Variants in CEP128 observed in about 807,000 individuals in gnomAD.
CEP128 encodes the protein centrosomal protein 128.
Under a neutral mutation model 156.7 loss-of-function variants are expected in CEP128, and 132 were observed. That is an observed-to-expected ratio of 0.84 (90% CI 0.73 to 0.97). The LOEUF is 0.97. Ranked by LOEUF, CEP128 falls within the 50% of genes least tolerant of loss-of-function variation. CEP128 has a pLI of 0.00. For synonymous variants in CEP128, 469 were observed against 448.9 expected (o/e 1.04, Z -0.57); for missense variants, 1,252 against 1,281.9 (o/e 0.98, Z 0.36).
chr14:80,592,017 G>A (rs1003135545), intron 19 of CEP128, among the ~76,000 whole-genome samples: 1 of 152,160 alleles, frequency 6.6e-6, no homozygotes, highest in East Asian at 1.9e-4. Flanking sequence ...TGTTTAGAGG[G>A]AAATTTATAG....
chr14:80,627,028 C>G (rs1410256796), intron 19 of CEP128, among the ~76,000 whole-genome samples: 5 of 152,218 alleles, frequency 3.3e-5, no homozygotes, highest in African/African-American at 1.2e-4. Flanking sequence ...ATATTCCATA[C>G]AGTCCTGACA....
chr14:80,685,379 T>A (rs556226987), intron 19 of CEP128, among the ~76,000 whole-genome samples: 3 of 151,730 alleles, frequency 2.0e-5, no homozygotes, highest in African/African-American at 4.8e-5. Flanking sequence ...TTGAAATAAA[T>A]CTAACCGAAG....
intron 15 of CEP128, among the ~76,000 whole-genome samples, chr14:80,781,005 C>T (rs930923855): frequency 6.6e-5 from 10 of 152,192 alleles, no homozygotes; most frequent in African/African-American, 2.4e-4. Context: ...GAAATTTATT[C>T]CAACTTCAGT....
intron 14 of CEP128, among the ~76,000 whole-genome samples, chr14:80,787,417 C>G (rs762176993): frequency 6.6e-6 from 1 of 152,138 alleles, no homozygotes; most frequent in Non-Finnish European, 1.5e-5. Context: ...ATGAATCCTT[C>G]CGAAGCTCCA....
chr14:80,679,674 T>C (rs1896234890), intron 19 of CEP128, among the ~76,000 whole-genome samples: 1 of 152,252 alleles, frequency 6.6e-6, no homozygotes, highest in Non-Finnish European at 1.5e-5. Flanking sequence ...TTATGATCTT[T>C]GCCTTGCCCT....
intron 5 of CEP128, among the ~76,000 whole-genome samples, chr14:80,905,168 T>G (rs1787978236): frequency 8.6e-6 from 1 of 115,706 alleles, no homozygotes. Flanking sequence ...CACTCAAAAG[T>G]TTCAATTTGT....
intron 19 of CEP128, among the ~76,000 whole-genome samples, chr14:80,591,285 T>G (rs1892054283): frequency 6.6e-6 from 1 of 151,386 alleles, no homozygotes; most frequent in Non-Finnish European, 1.5e-5. Flanking sequence ...AAGACACACG[T>G]AGGCTCAAAA....
At chr14:80,771,201 T>C (rs1212329516) in intron 16 of CEP128, among the ~76,000 whole-genome samples, 1 of 152,102 alleles carries the variant, frequency 6.6e-6, no homozygotes, top group African/African-American at 2.4e-5. Context: ...GACCAAAAAA[T>C]AAGAGTATAT....
rs560954872 is a variant in CEP128, at chr14:80,772,995, T to C, written c.2376+4887A>G. Among the ~76,000 whole-genome samples the C allele has an allele frequency of 7.2e-5, 11 of 152,318 alleles. No individual in the cohort carries two copies. In the East Asian group the frequency reaches 2.1e-3, roughly 29 times the overall value. On this transcript the variant is annotated intron_variant, in intron 16 of 24. Transcript: ENST00000555265. Reference sequence around the variant, plus strand: ...ACTAAAGGCGTAAGACAGCATCTTTTGTAACAGAGGAAGCTCCATGTACGG... The same window carrying C: ...ACTAAAGGCGTAAGACAGCATCTTTCGTAACAGAGGAAGCTCCATGTACGG...
At chr14:80,888,442 T>C (rs1888918906) in intron 8 of CEP128, among the ~76,000 whole-genome samples, 1 of 152,150 alleles carries the variant, frequency 6.6e-6, no homozygotes, top group South Asian at 2.1e-4. Context: ...ACGATCAAGT[T>C]AGCTTCATCG....
downstream of CEP128, among the ~76,000 whole-genome samples, chr14:80,491,814 T>C (rs535314467): frequency 1.2e-4 from 19 of 152,336 alleles, no homozygotes; most frequent in Non-Finnish European, 2.5e-4. Flanking sequence ...ACAATGCTTC[T>C]TTCCAGGACC....
rs549633310 is a variant in CEP128, at chr14:80,710,084, G to A, written c.2806+32991C>T. Among the ~76,000 whole-genome samples, 8 of 151,774 alleles carry A rather than the reference G, an allele frequency of 5.3e-5. No individual in the cohort carries two copies. In the South Asian group the frequency reaches 1.7e-3, roughly 32 times the overall value. ...ATATGAGGATATGAGGATACAAACAGATATTCTATACCTACAACTATTTGC... is the reference window on the plus strand; with the variant it reads ...ATATGAGGATATGAGGATACAAACAAATATTCTATACCTACAACTATTTGC... On this transcript the variant is annotated intron_variant, in intron 19 of 24. Coordinates refer to ENST00000555265, the MANE Select transcript of CEP128 (RefSeq NM_152446.5).
chr14:80,753,914 C>T (rs1203774574), intron 18 of CEP128, among the ~76,000 whole-genome samples: 3 of 152,290 alleles, frequency 2.0e-5, no homozygotes, highest in South Asian at 2.1e-4. Context: ...TCCAGTCTGT[C>T]CTTTCCTCTG....
intron 19 of CEP128, among the ~76,000 whole-genome samples, chr14:80,659,248 A>C (rs1460702849): frequency 1.3e-5 from 2 of 152,164 alleles, no homozygotes; most frequent in African/African-American, 4.8e-5. Flanking sequence ...ATTTGGTAAT[A>C]ATTTTTTCCT....
intron 8 of CEP128, among the ~76,000 whole-genome samples, chr14:80,876,320 G>A (rs118027487): frequency 0.048 from 7,293 of 151,984 alleles, 197 homozygotes; most frequent in Middle Eastern, 0.062. Flanking sequence ...GCATCAGGCC[G>A]GGCGCAGTGG....
chr14:80,592,917 G>C (rs1451145117), intron 19 of CEP128, among the ~76,000 whole-genome samples: 1 of 152,138 alleles, frequency 6.6e-6, no homozygotes, highest in Non-Finnish European at 1.5e-5. Context: ...TATCTCAATA[G>C]ATGCAGAAAA....
At chr14:80,803,474 G>C (rs1208932877) in intron 13 of CEP128, among the ~76,000 whole-genome samples, 1 of 152,076 alleles carries the variant, frequency 6.6e-6, no homozygotes, top group Admixed American at 6.6e-5. Flanking sequence ...AGAAACAGAG[G>C]TGGAGGAAAT....
upstream of CEP128, among the ~76,000 whole-genome samples, chr14:80,942,070 C>G (rs1886193198): frequency 1.3e-5 from 2 of 151,838 alleles, no homozygotes; most frequent in African/African-American, 4.8e-5. Context: ...CAAAAGGAGT[C>G]CCCCAGGACT....
intron 21 of CEP128, among the ~76,000 whole-genome samples, chr14:80,548,793 A>G (rs531777628): frequency 3.7e-4 from 56 of 152,220 alleles, no homozygotes; most frequent in Non-Finnish European, 6.3e-4. Flanking sequence ...GAGCAATTCA[A>G]TAATACTAAG....
Sources: allele counts gnomAD v4.1 joint callset (sites outside exome capture counted in the v4.1 genomes callset), GRCh38; gene constraint gnomAD v4.1.1; transcripts MANE v1.5; gene names NCBI Gene and HGNC (gene_info 2026-07-23, HGNC 2026-07-21).